RAB11FIP3: variants seen among roughly 807,000 people sequenced by gnomAD.
The protein encoded by RAB11FIP3 is rab11 family-interacting protein 3.
RAB11FIP3 carries 17 observed loss-of-function variants against 77.8 expected under a neutral mutation model. The ratio of observed to expected loss-of-function variants is 0.22; its 90% confidence interval spans 0.15 to 0.33. The LOEUF (loss-of-function observed/expected upper bound fraction) is 0.33. RAB11FIP3 is among the 10% of genes least tolerant of loss of function. The pLI, the probability that RAB11FIP3 is intolerant of heterozygous loss-of-function variation, is 1.00. For missense variants in RAB11FIP3, 1,005 were observed against 1,011.2 expected (o/e 0.99, Z 0.08); for synonymous variants, 437 against 448.2 (o/e 0.98, Z 0.31).
At chr16:451,861 CAAAA>C (rs1397345022) in intron 1 of RAB11FIP3, among the ~76,000 whole-genome samples, 1 of 148,466 alleles carries the variant, frequency 6.7e-6, no homozygotes, top group Non-Finnish European at 1.5e-5. Flanking sequence ...AAAAAACAAA[CAAAA>C]AGGCCGGGGC....
Position 506,201 on chromosome 16 carries a change from T to C in RAB11FIP3, c.1499+574T>C, listed in dbSNP as rs1664104065. Among the ~76,000 whole-genome samples the C allele has an allele frequency of 6.6e-6, 1 of 152,070 alleles. No homozygotes were observed. Among genetic ancestry groups the C allele is most frequent in the Non-Finnish European group, 1.5e-5 (1 of 68,018 alleles). ...TGCCTCACTCTGGTTTGCAGACTTTTCTTAGAATACCGTGTAATTCTCGGT... is the reference window on the plus strand; with the variant it reads ...TGCCTCACTCTGGTTTGCAGACTTTCCTTAGAATACCGTGTAATTCTCGGT... On this transcript the variant is annotated intron_variant, in intron 8 of 13. Transcript: ENST00000262305. The surrounding 1 kb of genome is among the most constrained non-coding windows in gnomAD (Gnocchi z 4.5).
Position 458,494 on chromosome 16 carries a change from C to G in RAB11FIP3, c.715-2910C>G, listed in dbSNP as rs1158560513. Among the ~76,000 whole-genome samples the G allele has an allele frequency of 4.8e-3, 195 of 40,806 alleles. 1 individual carries two copies. Among genetic ancestry groups the G allele is most frequent in the Middle Eastern group, 0.038 (2 of 52 alleles). 26.8% of individuals were successfully genotyped at this position (40,806 alleles called of 152,430 possible). A position where few individuals can be genotyped will look rare whatever the true frequency, so the allele number is the denominator to read the frequency against. On this transcript the variant is annotated intron_variant, in intron 1 of 13. Coordinates refer to ENST00000262305, the MANE Select transcript of RAB11FIP3 (RefSeq NM_014700.4). The stretch of plus-strand genomic sequence containing the variant: ...GCCTGGGGGGCCTTCCTCGGGTTCA[C>G]CGATGCCCACAGGGCCTGGGGGGCC...
In RAB11FIP3 at chr16:426,806, C is replaced by T. The variant is rs941155229; in HGVS notation, c.714+86C>T. ...TGATGTGGGACCGGTCGACGCTGCC[C>T]CTGGAGTCGGGAAAGGCACTGTCAA... On this transcript the variant is annotated intron_variant, in intron 1 of 13. Transcript: ENST00000262305. The surrounding 1 kb of genome is among the most constrained non-coding windows in gnomAD (Gnocchi z 5.0). 1.4e-5 allele frequency: 16 copies of T among 1,150,650 alleles called. No individual in the cohort carries two copies. The African/African-American group carries it at 1.6e-4, about 12-fold the overall frequency. The allele number at this position is 1,150,650 out of a possible 1,614,324, so 71.3% of individuals were successfully genotyped here.
intron 1 of RAB11FIP3, among the ~76,000 whole-genome samples, chr16:444,717 G>T (rs1185561000): frequency 2.0e-5 from 3 of 152,070 alleles, no homozygotes; most frequent in African/African-American, 7.2e-5. Context: ...GGGTGCAGTG[G>T]CTCATGCATG....
At chr16:494,092 CA>C in intron 5 of RAB11FIP3, among the ~76,000 whole-genome samples, 1 of 30,662 alleles carries the variant, frequency 3.3e-5, no homozygotes, top group African/African-American at 2.7e-4. Context: ...TTAGTAGACA[CA>C]GGGTTTCACC....
intron 9 of RAB11FIP3, among the ~76,000 whole-genome samples, chr16:516,478 C>T (rs750812725): frequency 3.3e-5 from 5 of 152,332 alleles, no homozygotes; most frequent in East Asian, 1.9e-4. Flanking sequence ...AGTTGCCAGA[C>T]GCCAAAGCTG....
intron 1 of RAB11FIP3, among the ~76,000 whole-genome samples, chr16:460,068 G>A (rs1457562300): frequency 6.6e-6 from 1 of 151,754 alleles, no homozygotes; most frequent in Admixed American, 6.6e-5. Context: ...GTAGAGATGG[G>A]GTTTCTCCAC....
intron 9 of RAB11FIP3, 78 bp from the exon 10 acceptor site, chr16:518,865 T>A (rs2032538136): frequency 2.7e-6 from 4 of 1,490,128 alleles, no homozygotes; most frequent in Non-Finnish European, 1.9e-6. Flanking sequence ...CAGCAGGGTT[T>A]CCCTGAGACA....
In RAB11FIP3 at chr16:426,702, G is replaced by A; in HGVS notation, c.696G>A (p.Thr232=). Residue 232 remains threonine, a synonymous_variant, in exon 1 of 14, where the codon ACG becomes ACA. Coordinates refer to ENST00000262305, the MANE Select transcript of RAB11FIP3 (RefSeq NM_014700.4). The surrounding 1 kb of genome is among the most constrained non-coding windows in gnomAD (Gnocchi z 5.0). ...TCGAGGACTTCATCCAGTTTGCTAC[G>A]GTCTACGGGGCAGAGCAGGTACGGA... ...VRIEDFIQFA[T]VYGAEQVKDL... is the part of the protein sequence containing the mutation. 2.6e-6 allele frequency: 4 copies of A among 1,523,702 alleles called. No individual in the cohort carries two copies. Among genetic ancestry groups the A allele is most frequent in the Non-Finnish European group, 3.5e-6 (4 of 1,134,788 alleles). 94.4% of individuals were successfully genotyped at this position (1,523,702 alleles called of 1,614,324 possible). A position where few individuals can be genotyped will look rare whatever the true frequency, so the allele number is the denominator to read the frequency against.
intron 3 of RAB11FIP3, among the ~76,000 whole-genome samples, chr16:479,149 C>T (rs1464601714): frequency 4.6e-5 from 7 of 151,616 alleles, no homozygotes; most frequent in Admixed American, 6.6e-5. Flanking sequence ...CCCAGCACTT[C>T]GGGAGGCTAA....
chr16:440,085 C>G (rs553293024), intron 1 of RAB11FIP3, among the ~76,000 whole-genome samples: 7 of 151,944 alleles, frequency 4.6e-5, no homozygotes, highest in East Asian at 1.9e-4. Flanking sequence ...CATGATCCGC[C>G]CCCCCCATCG....
chr16:500,955 C>T (rs1352386113), intron 6 of RAB11FIP3, among the ~76,000 whole-genome samples: 2 of 152,190 alleles, frequency 1.3e-5, no homozygotes, highest in Admixed American at 6.5e-5. Context: ...GGGGCAAGGT[C>T]ATGGGCGTTT....
chr16:508,540 A>G (rs2031982434), intron 8 of RAB11FIP3, among the ~76,000 whole-genome samples: 1 of 151,962 alleles, frequency 6.6e-6, no homozygotes, highest in South Asian at 2.1e-4. Context: ...TGCCCGGCTG[A>G]TTTTTGTATT....
chr16:491,756 A>G (rs1003978967), intron 5 of RAB11FIP3, among the ~76,000 whole-genome samples: 3 of 152,180 alleles, frequency 2.0e-5, no homozygotes, highest in South Asian at 2.1e-4. Context: ...ACTCCCAGTT[A>G]CAGAAGACGG....
rs1412156874 is a variant in RAB11FIP3 at position 514,849 on chromosome 16, C to T, written c.1640+4049C>T. ...CAGCTTGTGGCACCTGCCGAACCCCCGGCGTTGGGGTACATGGCCCATCAT... is the reference window on the plus strand; with the variant it reads ...CAGCTTGTGGCACCTGCCGAACCCCTGGCGTTGGGGTACATGGCCCATCAT... On this transcript the variant is annotated intron_variant, in intron 9 of 13. Transcript: ENST00000262305. This position sits in a 1 kb window ranked among gnomAD's most constrained non-coding sequence, Gnocchi z 4.6. Among the ~76,000 whole-genome samples the T allele has an allele frequency of 2.0e-5, 3 of 152,194 alleles. No homozygotes were observed. The highest frequency in any genetic ancestry group is 2.9e-5 in the Non-Finnish European group (2 of 68,032).
chr16:516,612 C>T (rs1460932923), intron 9 of RAB11FIP3, among the ~76,000 whole-genome samples: 1 of 151,648 alleles, frequency 6.6e-6, no homozygotes, highest in Non-Finnish European at 1.5e-5. Flanking sequence ...CGCGGTGGCT[C>T]ACGCCTGTAA....
At chr16:446,649 T>C (rs1409402932) in intron 1 of RAB11FIP3, among the ~76,000 whole-genome samples, 1 of 152,182 alleles carries the variant, frequency 6.6e-6, no homozygotes, top group Non-Finnish European at 1.5e-5. Flanking sequence ...CACACTTCAG[T>C]GTGAGGACTT....
intron 1 of RAB11FIP3, chr16:453,586 G>GTTTTTTT (rs766526904): frequency 1.9e-5 from 2 of 107,320 alleles, no homozygotes; most frequent in Admixed American, 9.3e-5. Context: ...TAGGAAGTTG[G>GTTTTTTT]TTTTTTTTTT....
At chr16:508,208 A>T (rs1486744623) in intron 8 of RAB11FIP3, among the ~76,000 whole-genome samples, 1 of 152,170 alleles carries the variant, frequency 6.6e-6, no homozygotes, top group Non-Finnish European at 1.5e-5. Context: ...GAATTCCCTG[A>T]GAATGTGAAG....
Sources: gnomAD v4.1 joint callset for allele counts (sites outside exome capture counted in the v4.1 genomes callset) on GRCh38, gnomAD v4.1.1 for gene constraint, Gnocchi (gnomAD v3.1) non-coding constraint, MANE v1.5 for transcripts, NCBI Gene and HGNC (gene_info 2026-07-23, HGNC 2026-07-21) for gene names.